MTIF3: variants seen among roughly 807,000 people sequenced by gnomAD.
The protein encoded by MTIF3 is mitochondrial translational initiation factor 3.
A neutral mutation model predicts 20.7 loss-of-function variants in MTIF3; 13 were observed. That is an observed-to-expected ratio of 0.63 (90% CI 0.41 to 1.00). The LOEUF is 1.00. Ranked by LOEUF, MTIF3 falls within the 50% of genes least tolerant of loss-of-function variation. The pLI is 0.00. For missense variants in MTIF3, 295 were observed against 324.5 expected, an observed-to-expected ratio of 0.91 and a Z score of 0.70; for synonymous variants, 114 against 112.5, an observed-to-expected ratio of 1.01 and a Z score of -0.08.
chr13:27,449,233 G>A (rs1325217213), intron 1 of MTIF3, among the ~76,000 whole-genome samples: 8 of 151,838 alleles, frequency 5.3e-5, no homozygotes, highest in Admixed American at 5.3e-4. Flanking sequence ...AACCCCACTC[G>A]AATCCATCCA....
chr13:27,449,948 G>C (rs1684135920), intron 1 of MTIF3: 1 of 152,280 alleles, frequency 6.6e-6, no homozygotes, highest in African/African-American at 2.4e-5. Context: ...AAAAATCCCA[G>C]TCACTTCGCG....
At chr13:27,437,415 T>G in intron 3 of MTIF3, 142 bp from the exon 4 acceptor site, 1 of 704,124 alleles carries the variant, frequency 1.4e-6, no homozygotes, top group East Asian at 2.8e-5. Context: ...CCAGTAAATG[T>G]CTTTTCAAAT....
In MTIF3 at chr13:27,440,376, C is replaced by T. The variant is rs760807460; in HGVS notation, c.73G>A (p.Gly25Ser). 6.2e-7 allele frequency: 1 copy of T among 1,614,036 alleles called. No homozygotes were observed. The change falls in exon 3 of 5, where the codon GGT becomes AGT. Residue 25 changes from glycine (G) to serine (S), a missense_variant. Transcript: ENST00000381120. Reference protein sequence around the residue: ...KSENSCIRCFGKHILQKTAPA... With the variant: ...KSENSCIRCFSKHILQKTAPA... ...GCTGTCTTTTGCAGGATGTGTTTAC[C>T]AAAACATCTAATGCAACTATTTTCA...
At chr13:27,441,116 CAG>C (rs1242521729) in intron 2 of MTIF3, 1 of 153,820 alleles carries the variant, frequency 6.5e-6, no homozygotes, top group Non-Finnish European at 1.4e-5. Flanking sequence ...GGTCTTCTCT[CAG>C]GGGTGGCAAA....
chr13:27,443,307 A>T (rs1177852855), intron 2 of MTIF3, among the ~76,000 whole-genome samples: 1 of 152,250 alleles, frequency 6.6e-6, no homozygotes, highest in Admixed American at 6.5e-5. Flanking sequence ...ATCTTTTGTG[A>T]ATGGAGGAAG....
At chr13:27,438,619 C>T (rs1953882836) in intron 3 of MTIF3, among the ~76,000 whole-genome samples, 1 of 151,688 alleles carries the variant, frequency 6.6e-6, no homozygotes, top group Non-Finnish European at 1.5e-5. Context: ...CCTCAGCCTC[C>T]CAAGTAGCTG....
At chr13:27,436,716 C>CT (rs1953770147) in intron 4 of MTIF3, among the ~76,000 whole-genome samples, 2 of 141,100 alleles carry the variant, frequency 1.4e-5, no homozygotes, top group South Asian at 4.8e-4. Context: ...TTACCAGTCA[C>CT]TTTGTCTTTA....
intron 2 of MTIF3, among the ~76,000 whole-genome samples, chr13:27,444,314 G>GA (rs144913741): frequency 0.049 from 6,981 of 143,542 alleles, 214 homozygotes; most frequent in East Asian, 0.16. Context: ...CAAAAAAAAC[G>GA]AAAAAAAAAA....
intron 2 of MTIF3, 165 bp from the exon 3 acceptor site, chr13:27,440,614 C>G: frequency 1.6e-6 from 1 of 625,396 alleles, no homozygotes; most frequent in African/African-American, 1.8e-5. Context: ...GAAGTCTACA[C>G]TGATAAAGCG....
intron 1 of MTIF3, among the ~76,000 whole-genome samples, chr13:27,447,841 TG>T (rs1206317068): frequency 6.6e-6 from 1 of 152,242 alleles, no homozygotes; most frequent in Non-Finnish European, 1.5e-5. Flanking sequence ...ATCATTACCT[TG>T]TTCCTTTTTA....
At chr13:27,437,927 A>T (rs1053208778) in intron 3 of MTIF3, among the ~76,000 whole-genome samples, 6 of 123,918 alleles carry the variant, frequency 4.8e-5, no homozygotes, top group Admixed American at 2.4e-4. Context: ...CTCATTAAGA[A>T]AAAAAGGCAA....
At chr13:27,436,409 T>TAA (rs199637855) in intron 4 of MTIF3, among the ~76,000 whole-genome samples, 4 of 143,224 alleles carry the variant, frequency 2.8e-5, no homozygotes, top group South Asian at 2.2e-4. Flanking sequence ...ATCTAACTTT[T>TAA]AAAAAAAAAA....
chr13:27,443,019 G>C (rs1954055811), intron 2 of MTIF3, among the ~76,000 whole-genome samples: 2 of 152,346 alleles, frequency 1.3e-5, no homozygotes, highest in South Asian at 4.1e-4. Context: ...GAAGGAAACA[G>C]CCAAGGAGCT....
intron 4 of MTIF3, 50 bp from the exon 5 acceptor site, chr13:27,435,943 GCTTT>G: frequency 6.8e-7 from 1 of 1,464,202 alleles, no homozygotes; most frequent in South Asian, 1.2e-5. Flanking sequence ...AGGCTTTGGT[GCTTT>G]CTAATGTTCT....
chr13:27,439,405 A>T (rs915436113), intron 3 of MTIF3, among the ~76,000 whole-genome samples: 1 of 152,200 alleles, frequency 6.6e-6, no homozygotes, highest in Non-Finnish European at 1.5e-5. Flanking sequence ...CTAAGGCAGG[A>T]GAATCGCTTG....
In MTIF3 at chr13:27,435,691, T is replaced by C. The variant is rs747971151; in HGVS notation, c.821A>G (p.Asn274Ser). The change falls in exon 5 of 5, where the codon AAT (asparagine) becomes AGT (serine). Residue 274 changes from asparagine (N) to serine (S), a missense_variant. Coordinates refer to ENST00000381120, the MANE Select transcript of MTIF3 (RefSeq NM_152912.5). ...NKDHGNDKES[N>S]VLHQ ...TTATTAAAATTACTGATGCAGAACA[T>C]TTGATTCCTTATCATTTCCATGGTC... 11 of 1,614,010 alleles carry C rather than the reference T, an allele frequency of 6.8e-6. No homozygotes were observed. Among genetic ancestry groups the C allele is most frequent in the Non-Finnish European group, 9.3e-6 (11 of 1,179,916 alleles).
At chr13:27,447,879 T>C (rs1954232012) in intron 1 of MTIF3, among the ~76,000 whole-genome samples, 2 of 146,542 alleles carry the variant, frequency 1.4e-5, no homozygotes, top group Non-Finnish European at 3.0e-5. Context: ...TCCAAGTATA[T>C]GAATATATCG....
At chr13:27,448,318 G>C (rs1954245693) in intron 1 of MTIF3, among the ~76,000 whole-genome samples, 1 of 152,202 alleles carries the variant, frequency 6.6e-6, no homozygotes, top group Admixed American at 6.5e-5. Context: ...GATCAAAGTT[G>C]CATAGATTCT....
rs1020860386 is a variant in MTIF3 at position 27,440,500 on chromosome 13, G to C, written c.-1-51C>G. On this transcript the variant is annotated intron_variant, in intron 2 of 4. Transcript: ENST00000381120. ...TTAAAATTCAATCACTTATTCCCTT[G>C]GTCTGACATTGTGGTACATGGCAGG... 4.2e-6 allele frequency: 6 copies of C among 1,415,202 alleles called. No individual in the cohort carries two copies. The Admixed American group carries it at 1.3e-4, about 31-fold the overall frequency. The allele number at this position is 1,415,202 out of a possible 1,614,324, so 87.7% of individuals were successfully genotyped here.
Sources: allele counts gnomAD v4.1 joint callset (sites outside exome capture counted in the v4.1 genomes callset), GRCh38; gene constraint gnomAD v4.1.1; transcripts MANE v1.5; gene names NCBI Gene and HGNC (gene_info 2026-07-23, HGNC 2026-07-21).